The following MFHAS1 variants were observed in gnomAD, a reference collection of about 807,000 sequenced individuals.
MFHAS1 encodes multifunctional ROCO family signaling regulator 1, also known as malignant fibrous histiocytoma-amplified sequence 1.
A neutral mutation model predicts 70.4 loss-of-function variants in MFHAS1; 50 were observed. The ratio of observed to expected loss-of-function variants is 0.71; its 90% confidence interval spans 0.57 to 0.90. The LOEUF (loss-of-function observed/expected upper bound fraction) is 0.90. Among genes scored for constraint, MFHAS1 ranks in the 40% least tolerant of loss-of-function variants. The pLI is 0.00. For missense variants in MFHAS1, 1,795 were observed against 1,347.6 expected (o/e 1.33, Z -5.20); for synonymous variants, 952 against 620.0 (o/e 1.54, Z -7.96).
At chr8:8,852,078 C>G (rs1049834990) in intron 1 of MFHAS1, among the ~76,000 whole-genome samples, 1 of 152,154 alleles carries the variant, frequency 6.6e-6, no homozygotes, top group African/African-American at 2.4e-5. Context: ...AGACCCCTCT[C>G]CAGCACCATG....
intron 1 of MFHAS1, among the ~76,000 whole-genome samples, chr8:8,852,396 C>A (rs985422815): frequency 2.6e-5 from 4 of 151,924 alleles, no homozygotes; most frequent in African/African-American, 9.7e-5. Flanking sequence ...ATCGCTTGAA[C>A]CTGGGAGGCG....
At chr8:8,843,527 G>C (rs1392297037) in intron 1 of MFHAS1, among the ~76,000 whole-genome samples, 2 of 152,238 alleles carry the variant, frequency 1.3e-5, no homozygotes, top group Non-Finnish European at 2.9e-5. Flanking sequence ...GCCGTAGCGA[G>C]TGGTGATCAT....
At chr8:8,845,922 T>C (rs933087790) in intron 1 of MFHAS1, among the ~76,000 whole-genome samples, 1 of 151,870 alleles carries the variant, frequency 6.6e-6, no homozygotes, top group Admixed American at 6.6e-5. Context: ...CCAGAACAAA[T>C]CCATCAACAA....
At chr8:8,879,235 C>T (rs1809413108) in intron 1 of MFHAS1, among the ~76,000 whole-genome samples, 1 of 151,990 alleles carries the variant, frequency 6.6e-6, no homozygotes, top group African/African-American at 2.4e-5. Flanking sequence ...GCCTGTAGTC[C>T]CAGCTAGTTG....
chr8:8,799,381 A>C (rs779376707), intron 1 of MFHAS1, among the ~76,000 whole-genome samples: 1 of 152,234 alleles, frequency 6.6e-6, no homozygotes, highest in African/African-American at 2.4e-5. Flanking sequence ...CAGGTAACTG[A>C]AATCACAGAA....
intron 1 of MFHAS1, among the ~76,000 whole-genome samples, chr8:8,854,265 G>A (rs74972203): frequency 0.013 from 2,038 of 152,200 alleles, 74 homozygotes; most frequent in East Asian, 0.06. Context: ...AGGTGCAGTG[G>A]CTCACGCCTG....
intron 1 of MFHAS1, among the ~76,000 whole-genome samples, chr8:8,877,567 T>C (rs2116921925): frequency 6.6e-6 from 1 of 152,280 alleles, no homozygotes; most frequent in East Asian, 1.9e-4. Flanking sequence ...TGGCTGATGT[T>C]AGAATGAATA....
At chr8:8,810,165 G>A (rs191955429) in intron 1 of MFHAS1, among the ~76,000 whole-genome samples, 3 of 152,158 alleles carry the variant, frequency 2.0e-5, no homozygotes, top group Admixed American at 6.5e-5. Context: ...CCAGAAGTTC[G>A]AGACCAGCCT....
Position 8,890,668 on chromosome 8 carries a change from G to A in MFHAS1, c.2391C>T (p.Leu797=), listed in dbSNP as rs747107868. The A allele has an allele frequency of 2.5e-6, 4 of 1,613,506 alleles. No individual in the cohort carries two copies. In the South Asian group the frequency reaches 3.3e-5, roughly 13 times the overall value. ...GCAACCGAATGACATGAGCTGGCAAGAGCCCATGCAACAGAAAGCCCTCCA... is the reference window on the plus strand; with the variant it reads ...GCAACCGAATGACATGAGCTGGCAAAAGCCCATGCAACAGAAAGCCCTCCA... The part of the protein sequence containing the change: ...QYVEGFLLHG[L]LPAHVIRLLL... The change falls in exon 1 of 3, where the codon CTC becomes CTT. Residue 797 remains leucine, a synonymous_variant. Coordinates refer to ENST00000276282, the MANE Select transcript of MFHAS1 (RefSeq NM_004225.3).
chr8:8,873,272 G>C (rs919402573), intron 1 of MFHAS1, among the ~76,000 whole-genome samples: 1 of 152,090 alleles, frequency 6.6e-6, no homozygotes, highest in Non-Finnish European at 1.5e-5. Context: ...GGGAAAATGT[G>C]ACCAGCTCTG....
chr8:8,890,954 C>G lies in MFHAS1; in HGVS notation c.2105G>C (p.Ser702Thr), dbSNP rs953615274. The G allele has an allele frequency of 6.2e-7, 1 of 1,613,896 alleles. No individual in the cohort carries two copies. Among genetic ancestry groups the G allele is most frequent in the African/African-American group, 1.3e-5 (1 of 74,938 alleles). The change falls in exon 1 of 3, where the codon AGT becomes ACT. Residue 702 changes from serine to threonine, a missense_variant. Coordinates refer to ENST00000276282, the MANE Select transcript of MFHAS1 (RefSeq NM_004225.3). ...GCTCTCATGCAGGTAGGAGAGGGCA[C>G]TCTGCAGTCGGTCCTCGGTCAGACC... ...QAGLTEDRLQ[S>T]ALSYLHESGK... is the part of the protein sequence containing the mutation.
At chr8:8,882,229 C>A (rs1438375147) in intron 1 of MFHAS1, among the ~76,000 whole-genome samples, 2 of 151,684 alleles carry the variant, frequency 1.3e-5, no homozygotes, top group South Asian at 2.1e-4. Context: ...TAAAAAAAAA[C>A]ACACACAAAA....
intron 1 of MFHAS1, among the ~76,000 whole-genome samples, chr8:8,823,805 G>A (rs1302106691): frequency 6.9e-6 from 1 of 144,670 alleles, no homozygotes; most frequent in African/African-American, 2.6e-5. Flanking sequence ...AGAAGATAGT[G>A]GGGGCTGAGA....
intron 2 of MFHAS1, among the ~76,000 whole-genome samples, chr8:8,789,739 C>A (rs28402110): frequency 0.29 from 43,867 of 151,948 alleles, 6,934 homozygotes; most frequent in African/African-American, 0.39. Flanking sequence ...TATACTCTTC[C>A]AATACAAACC....
chr8:8,868,780 T>C (rs1249882409), intron 1 of MFHAS1, among the ~76,000 whole-genome samples: 4 of 152,174 alleles, frequency 2.6e-5, no homozygotes, highest in Non-Finnish European at 5.9e-5. Context: ...ACCTTACAAC[T>C]GGCTTCCACC....
At chr8:8,853,476 A>T (rs993714308) in intron 1 of MFHAS1, among the ~76,000 whole-genome samples, 2 of 151,442 alleles carry the variant, frequency 1.3e-5, no homozygotes, top group African/African-American at 4.8e-5. Flanking sequence ...TAAAAAAAAA[A>T]AAAAAAAAAA....
intron 1 of MFHAS1, among the ~76,000 whole-genome samples, chr8:8,833,164 G>T (rs528052788): frequency 2.0e-5 from 3 of 152,236 alleles, no homozygotes; most frequent in African/African-American, 7.2e-5. Flanking sequence ...ACCAAAGGGG[G>T]ACTGGTGCTA....
intron 1 of MFHAS1, among the ~76,000 whole-genome samples, chr8:8,817,143 G>C (rs1218382142): frequency 6.6e-6 from 1 of 152,042 alleles, no homozygotes; most frequent in African/African-American, 2.4e-5. Context: ...CCGAAAACTA[G>C]CTCCAAAGAG....
intron 1 of MFHAS1, among the ~76,000 whole-genome samples, chr8:8,807,114 A>G (rs1806318869): frequency 1.3e-5 from 2 of 152,092 alleles, no homozygotes; most frequent in Non-Finnish European, 2.9e-5. Context: ...CCCCTGAAGT[A>G]AGCCTCAGAA....
Sources: allele counts gnomAD v4.1 joint callset (sites outside exome capture counted in the v4.1 genomes callset), GRCh38; gene constraint gnomAD v4.1.1; transcripts MANE v1.5; gene names NCBI Gene and HGNC (gene_info 2026-07-23, HGNC 2026-07-21).